The following CLEC9A variants were observed in gnomAD, a reference collection of about 807,000 sequenced individuals.
The protein encoded by CLEC9A is C-type lectin domain family 9 member A.
Under a neutral mutation model 30.0 loss-of-function variants are expected in CLEC9A, and 24 were observed. The ratio of observed to expected loss-of-function variants is 0.80; its 90% CI spans 0.58 to 1.13. The LOEUF is 1.13. Ranked by LOEUF, CLEC9A falls within the 50% of genes most tolerant of loss-of-function variation. The pLI, the probability that CLEC9A is intolerant of heterozygous loss-of-function variation, is 0.00. For missense variants in CLEC9A, 251 were observed against 280.9 expected (o/e 0.89, Z 0.76); for synonymous variants, 111 against 96.8 (o/e 1.15, Z -0.86).
intron 1 of CLEC9A, among the ~76,000 whole-genome samples, chr12:10,039,581 G>A (rs892980557): frequency 6.6e-6 from 1 of 152,024 alleles, no homozygotes; most frequent in African/African-American, 2.4e-5. Flanking sequence ...ATGTTCCCCT[G>A]TCTGAAATCT....
intron 1 of CLEC9A, chr12:10,041,091 A>C (rs1215163592): frequency 6.4e-6 from 1 of 156,892 alleles, no homozygotes; most frequent in Non-Finnish European, 1.4e-5. Context: ...AAAAATACAA[A>C]AAAAATTAGC....
intron 5 of CLEC9A, among the ~76,000 whole-genome samples, chr12:10,055,998 G>T (rs2137310406): frequency 7.5e-6 from 1 of 133,008 alleles, no homozygotes; most frequent in East Asian, 2.4e-4. Context: ...GGTGGAGGTT[G>T]CAGTGAGCCA....
rs185640138 is a variant in CLEC9A at position 10,045,971 on chromosome 12, G to T, written c.-163+4351G>T. On this transcript the variant is annotated intron_variant, in intron 2 of 8. Coordinates refer to ENST00000355819, the MANE Select transcript of CLEC9A (RefSeq NM_207345.4). ...ACAATATAGATTAGTGCTTAATTAA[G>T]TTGGGCAAAATATCGAAGCTTAAAA... is the stretch of plus-strand genomic sequence containing the variant. Among the ~76,000 whole-genome samples, 15 of 152,262 alleles carry T rather than the reference G, an allele frequency of 9.9e-5. No individual in the cohort carries two copies. In the East Asian group the frequency reaches 2.5e-3, roughly 25 times the overall value.
intron 1 of CLEC9A, among the ~76,000 whole-genome samples, chr12:10,038,597 G>C (rs1026869223): frequency 1.3e-5 from 2 of 152,204 alleles, no homozygotes; most frequent in Non-Finnish European, 2.9e-5. Context: ...TGCTCATGGG[G>C]GTTTAACAAC....
At chr12:10,063,282 A>C (rs1866013564) in intron 7 of CLEC9A, 76 bp downstream of exon 7, 3 of 1,326,222 alleles carry the variant, frequency 2.3e-6, no homozygotes, top group Non-Finnish European at 3.0e-6. Context: ...TCATTCTCAT[A>C]AGACAAAATT....
chr12:10,061,028 A>G (rs1341485169), intron 5 of CLEC9A, 99 bp from the exon 6 acceptor site: 2 of 1,375,800 alleles, frequency 1.5e-6, no homozygotes, highest in African/African-American at 3.0e-5. Flanking sequence ...TCAAGTCTCA[A>G]AAATAATAGT....
At chr12:10,044,967 C>G (rs1865833240) in intron 2 of CLEC9A, among the ~76,000 whole-genome samples, 1 of 152,214 alleles carries the variant, frequency 6.6e-6, no homozygotes, top group Non-Finnish European at 1.5e-5. Context: ...GATAAGTTAA[C>G]AGCCATTACA....
intron 1 of CLEC9A, among the ~76,000 whole-genome samples, chr12:10,040,267 A>G (rs552642063): frequency 6.6e-5 from 10 of 152,328 alleles, no homozygotes; most frequent in African/African-American, 2.4e-4. Flanking sequence ...AAATGTCAAC[A>G]ACCACTTTGG....
chr12:10,064,926 A>G, intron 8 of CLEC9A, 73 bp downstream of exon 8: 2 of 1,514,382 alleles, frequency 1.3e-6, no homozygotes, highest in Non-Finnish European at 1.8e-6. Flanking sequence ...TTCACCTTGT[A>G]CCATGAATTT....
At chr12:10,033,841 G>A (rs1181564041) in intron 1 of CLEC9A, among the ~76,000 whole-genome samples, 2 of 152,052 alleles carry the variant, frequency 1.3e-5, no homozygotes, top group Non-Finnish European at 2.9e-5. Flanking sequence ...AGTACCCAGA[G>A]AATGGCCAGA....
At chr12:10,047,254 T>C (rs17807434) in intron 2 of CLEC9A, among the ~76,000 whole-genome samples, 15,761 of 152,228 alleles carry the variant, frequency 0.1, 1,000 homozygotes, top group Non-Finnish European at 0.14. Flanking sequence ...CAGAACACTA[T>C]CCAAAAATTA....
At chr12:10,038,803 C>T (rs1482371876) in intron 1 of CLEC9A, among the ~76,000 whole-genome samples, 4 of 151,912 alleles carry the variant, frequency 2.6e-5, no homozygotes, top group Non-Finnish European at 5.9e-5. Flanking sequence ...TCTCCAGTTG[C>T]TGTTTATTAA....
intron 5 of CLEC9A, among the ~76,000 whole-genome samples, chr12:10,060,105 A>C (rs2137313330): frequency 6.6e-6 from 1 of 152,360 alleles, no homozygotes; most frequent in African/African-American, 2.4e-5. Context: ...TTCCTGGTGG[A>C]AATGTAATAT....
At chr12:10,037,006 A>G (rs1001129566) in intron 1 of CLEC9A, among the ~76,000 whole-genome samples, 7 of 152,244 alleles carry the variant, frequency 4.6e-5, no homozygotes, top group East Asian at 1.9e-4. Context: ...ACCAACCAGC[A>G]TATTTCTGGT....
intron 1 of CLEC9A, chr12:10,040,872 A>T (rs534726415): frequency 4.9e-6 from 1 of 202,090 alleles, no homozygotes; most frequent in Non-Finnish European, 1.0e-5. Context: ...AATTACCTAC[A>T]AGTTGAGAAT....
At chr12:10,058,668 C>A (rs906700131) in intron 5 of CLEC9A, among the ~76,000 whole-genome samples, 3 of 152,178 alleles carry the variant, frequency 2.0e-5, no homozygotes, top group Non-Finnish European at 2.9e-5. Context: ...TCTCAGCTTC[C>A]TGAGTAGCTG....
At position 10,061,902 on chromosome 12, in the gene CLEC9A, T is replaced by C. The variant is rs139935713; in HGVS notation, c.319+629T>C. On this transcript the variant is annotated intron_variant, in intron 6 of 8. Transcript: ENST00000355819. ...ATATAGTTTAGAGAATTAACTTTCC[T>C]AGACTGGATACCATTTACATAATTG... Among the ~76,000 whole-genome samples, 69 of 152,350 alleles carry C rather than the reference T, an allele frequency of 4.5e-4. 1 individual carries two copies. The highest frequency in any genetic ancestry group is 1.6e-3 in the African/African-American group (67 of 41,584).
chr12:10,031,714 GGAGGTT>G (rs1459349024), intron 1 of CLEC9A, among the ~76,000 whole-genome samples: 1 of 152,246 alleles, frequency 6.6e-6, no homozygotes, highest in East Asian at 1.9e-4. Context: ...CTTGAAGCCA[GGAGGTT>G]GAGAAATGGG....
At chr12:10,046,423 G>T (rs1035621862) in intron 2 of CLEC9A, among the ~76,000 whole-genome samples, 1 of 152,162 alleles carries the variant, frequency 6.6e-6, no homozygotes, top group African/African-American at 2.4e-5. Context: ...AAAGCTCATG[G>T]GGTTTGTAAA....
Sources: allele counts gnomAD v4.1 joint callset (sites outside exome capture counted in the v4.1 genomes callset), GRCh38; gene constraint gnomAD v4.1.1; transcripts MANE v1.5; gene names NCBI Gene and HGNC (gene_info 2026-07-23, HGNC 2026-07-21).